LRRC8A: variants seen among roughly 807,000 people sequenced by gnomAD.
The protein encoded by LRRC8A is volume-regulated anion channel subunit LRRC8A.
In LRRC8A, 24 loss-of-function variants were observed where a neutral mutation model predicts 52.5. The ratio of observed to expected loss-of-function variants is 0.46; its 90% confidence interval spans 0.33 to 0.64. The LOEUF (loss-of-function observed/expected upper bound fraction) is 0.64. Ranked by LOEUF, LRRC8A falls within the 30% of genes least tolerant of loss-of-function variation. The probability of loss-of-function intolerance (pLI) is 0.02; values close to 1 mark genes in which losing one functional copy is unlikely to be tolerated. For missense variants in LRRC8A, 677 were observed against 1,094.7 expected, an observed-to-expected ratio of 0.62 and a Z score of 5.38; for synonymous variants, 492 against 494.2, an observed-to-expected ratio of 1.00 and a Z score of 0.06.
chr9:128,909,420 A>G, intron 3 of LRRC8A, 99 bp downstream of exon 3: 1 of 1,208,346 alleles, frequency 8.3e-7, no homozygotes, highest in South Asian at 1.3e-5. Context: ...GGGACCGTCG[A>G]TGCCCCTGAG....
At chr9:128,914,271 G>A (rs16930764) in intron 3 of LRRC8A, among the ~76,000 whole-genome samples, 6,836 of 150,122 alleles carry the variant, frequency 0.046, 227 homozygotes, top group Non-Finnish European at 0.068. Flanking sequence ...CTCCCTGCTG[G>A]GAAAGCCACG....
Position 128,908,741 on chromosome 9 carries a change from A to G in LRRC8A, c.1577A>G (p.Asn526Ser), listed in dbSNP as rs750124206. The G allele has an allele frequency of 6.2e-7, 1 of 1,613,192 alleles. No homozygotes were observed. Among genetic ancestry groups the G allele is most frequent in the East Asian group, 2.2e-5 (1 of 44,888 alleles). Residue 526 changes from asparagine to serine, a missense_variant, in exon 3 of 4, where the codon AAC becomes AGC. Transcript: ENST00000372600. ...KTLEELHLTG[N>S]LSAENNRYIV... ...CTGGAGGAGCTGCACCTGACGGGCA[A>G]CCTGAGCGCGGAGAACAACCGCTAC...
At chr9:128,910,345 C>T (rs1015357624) in intron 3 of LRRC8A, among the ~76,000 whole-genome samples, 8 of 152,148 alleles carry the variant, frequency 5.3e-5, no homozygotes, top group African/African-American at 7.2e-5. Context: ...GCTGTCGTGC[C>T]GGGCCCCTGT....
intron 3 of LRRC8A, among the ~76,000 whole-genome samples, chr9:128,913,173 T>C (rs1344755184): frequency 6.7e-6 from 1 of 150,154 alleles, no homozygotes; most frequent in African/African-American, 2.5e-5. Flanking sequence ...GCCTGGGGAG[T>C]TGGCTGGATT....
rs944893477 is a variant in LRRC8A, at chr9:128,917,125, A to G, written c.*754A>G. 8 of 152,202 alleles carry G rather than the reference A, an allele frequency of 5.3e-5. No homozygotes were observed. The highest frequency in any genetic ancestry group is 3.3e-4 in the Admixed American group (5 of 15,242). 9.4% of individuals were successfully genotyped at this position (152,202 alleles called of 1,614,324 possible). A position where few individuals can be genotyped will look rare whatever the true frequency, so the allele number is the denominator to read the frequency against. On this transcript the variant is annotated 3_prime_UTR_variant, in exon 4 of 4. Transcript: ENST00000372600. ...AAAAAGAAAAAAAAAACTTAAAAAA[A>G]AAAAGACACTAACGGCCAGTGAGTT...
chr9:128,909,140 G>C lies in LRRC8A; in HGVS notation c.1976G>C (p.Gly659Ala). The change falls in exon 3 of 4, where the codon GGC (glycine) becomes GCC (alanine). Residue 659 changes from glycine (G) to alanine (A), a missense_variant. By Grantham distance (60) the Gly-to-Ala change is moderately conservative. Coordinates refer to ENST00000372600, the MANE Select transcript of LRRC8A (RefSeq NM_019594.4). ...NHIAYIPIQI[G>A]NLTNLERLYL... ...ATCGCCTACATCCCCATCCAGATCG[G>C]CAACCTCACCAACCTGGAGCGCCTC... 6.2e-7 allele frequency: 1 copy of C among 1,614,028 alleles called. No individual in the cohort carries two copies. The highest frequency in any genetic ancestry group is 2.2e-5 in the East Asian group (1 of 44,866).
At chr9:128,887,552 A>G (rs947013256) in intron 2 of LRRC8A, among the ~76,000 whole-genome samples, 40 of 152,102 alleles carry the variant, frequency 2.6e-4, no homozygotes, top group African/African-American at 8.4e-4. Context: ...ATTCTTCCAC[A>G]TCTATTGTTA....
At chr9:128,897,819 C>T (rs1347216318) in intron 2 of LRRC8A, among the ~76,000 whole-genome samples, 3 of 152,086 alleles carry the variant, frequency 2.0e-5, no homozygotes, top group South Asian at 2.1e-4. Flanking sequence ...GCTGGGATTA[C>T]AGGCGTACAC....
Position 128,908,970 on chromosome 9 carries a change from C to T in LRRC8A, c.1806C>T (p.Asp602=), listed in dbSNP as rs762944979. The T allele has an allele frequency of 1.2e-6, 2 of 1,614,068 alleles. No individual in the cohort carries two copies. Among genetic ancestry groups the T allele is most frequent in the Admixed American group, 1.7e-5 (1 of 60,000 alleles). ...NLTELELIRC[D]LERIPHSIFS... is the part of the protein sequence containing the mutation. ...CTGAGCTGGAGCTGATCCGCTGTGACCTGGAGCGCATCCCCCACTCCATCT... is the reference window on the plus strand; with the variant it reads ...CTGAGCTGGAGCTGATCCGCTGTGATCTGGAGCGCATCCCCCACTCCATCT... The change falls in exon 3 of 4, where the codon GAC becomes GAT. Residue 602 remains aspartate (D), a synonymous_variant. Coordinates refer to ENST00000372600, the MANE Select transcript of LRRC8A (RefSeq NM_019594.4).
chr9:128,908,329 C>T lies in LRRC8A; in HGVS notation c.1165C>T (p.Arg389Cys). ...IDQYDPLYSK[R>C]FAVFLSEVSE... is the part of the protein sequence containing the mutation. ...CCAATACGACCCGCTCTACTCCAAGCGCTTCGCCGTCTTCCTGTCGGAGGT... is the reference window on the plus strand; with the variant it reads ...CCAATACGACCCGCTCTACTCCAAGTGCTTCGCCGTCTTCCTGTCGGAGGT... The change falls in exon 3 of 4, where the codon CGC (arginine) becomes TGC (cysteine). Residue 389 changes from arginine (R) to cysteine (C), a missense_variant. Physicochemically the swap from Arg to Cys is radical, Grantham distance 180 (BLOSUM62 -3). This residue lies in a region of LRRC8A where 422 missense variants were observed against 741.5 expected (regional missense o/e 0.57). Transcript: ENST00000372600. 1 of 1,614,118 alleles carries T rather than the reference C, an allele frequency of 6.2e-7. No individual in the cohort carries two copies. The highest frequency in any genetic ancestry group is 8.5e-7 in the Non-Finnish European group (1 of 1,180,040).
At chr9:128,890,169 T>TGTGTGTGTGTGTGC (rs1491190172) in intron 2 of LRRC8A, among the ~76,000 whole-genome samples, 4 of 148,452 alleles carry the variant, frequency 2.7e-5, no homozygotes, top group Non-Finnish European at 5.9e-5. Flanking sequence ...TGTGTGTGTG[T>TGTGTGTGTGTGTGC]GCTGGGAAGG....
Position 128,907,281 on chromosome 9 carries a change from C to A in LRRC8A, c.117C>A (p.Ala39=). 6.2e-7 allele frequency: 1 copy of A among 1,614,070 alleles called. No homozygotes were observed. Among genetic ancestry groups the A allele is most frequent in the Non-Finnish European group, 8.5e-7 (1 of 1,180,042 alleles). ...DYISIVMLMI[A]VFGGTLQVTQ... ...TCTCTATCGTCATGCTGATGATTGC[C>A]GTCTTCGGGGGGACGCTGCAGGTCA... The change falls in exon 3 of 4, where the codon GCC becomes GCA. Residue 39 remains alanine, a synonymous_variant. Coordinates refer to ENST00000372600, the MANE Select transcript of LRRC8A (RefSeq NM_019594.4). This position sits in a 1 kb window ranked among gnomAD's most constrained non-coding sequence, Gnocchi z 9.3.
At chr9:128,913,923 G>A (rs1840678455) in intron 3 of LRRC8A, among the ~76,000 whole-genome samples, 1 of 152,188 alleles carries the variant, frequency 6.6e-6, no homozygotes, top group African/African-American at 2.4e-5. Context: ...CCTGTGCCTG[G>A]GCTGGGCATG....
rs1315954142 is a variant in LRRC8A, at chr9:128,903,097, A to C, written c.-8-4060A>C. Among the ~76,000 whole-genome samples the C allele has an allele frequency of 3.3e-5, 5 of 152,212 alleles. No individual in the cohort carries two copies. The East Asian group carries it at 9.7e-4, about 29-fold the overall frequency. ...TTGTTCTTACTCTACTCTGCCCCTTAATAGCAGGGGGATGTTGGCAGGTGA... is the reference window on the plus strand; with the variant it reads ...TTGTTCTTACTCTACTCTGCCCCTTCATAGCAGGGGGATGTTGGCAGGTGA... On this transcript the variant is annotated intron_variant, in intron 2 of 3. Coordinates refer to ENST00000372600, the MANE Select transcript of LRRC8A (RefSeq NM_019594.4).
intron 2 of LRRC8A, among the ~76,000 whole-genome samples, chr9:128,901,470 ATTTT>A (rs1840023211): frequency 6.6e-6 from 1 of 151,376 alleles, no homozygotes; most frequent in African/African-American, 2.4e-5. Context: ...CAAAAAAAAA[ATTTT>A]TTTTTACCCT....
At chr9:128,914,017 C>T (rs1015529381) in intron 3 of LRRC8A, among the ~76,000 whole-genome samples, 13 of 152,082 alleles carry the variant, frequency 8.5e-5, no homozygotes, top group Non-Finnish European at 1.6e-4. Context: ...CCAGCCTGGC[C>T]GACATAATGA....
intron 2 of LRRC8A, among the ~76,000 whole-genome samples, chr9:128,891,755 G>A (rs538176330): frequency 1.3e-5 from 2 of 152,096 alleles, no homozygotes; most frequent in African/African-American, 4.8e-5. Flanking sequence ...ACCCCCTAAG[G>A]AAAAGAGTAT....
chr9:128,891,702 G>A (rs113017665), intron 2 of LRRC8A, among the ~76,000 whole-genome samples: 24 of 152,212 alleles, frequency 1.6e-4, no homozygotes, highest in African/African-American at 5.8e-4. Context: ...AGGCATCTGA[G>A]TATGGCCTGA....
intron 1 of LRRC8A, chr9:128,882,962 G>A: frequency 5.1e-6 from 2 of 395,664 alleles, no homozygotes; most frequent in Non-Finnish European, 8.9e-6. Context: ...GCATAGCTGG[G>A]GTCATGGAGT....
Sources: allele counts gnomAD v4.1 joint callset (sites outside exome capture counted in the v4.1 genomes callset), GRCh38; gene constraint gnomAD v4.1.1; regional missense constraint gnomAD v4.1.1; non-coding constraint Gnocchi (gnomAD v3.1); transcripts MANE v1.5; gene names NCBI Gene and HGNC (gene_info 2026-07-23, HGNC 2026-07-21).